INTS1: variants seen among roughly 807,000 people sequenced by gnomAD.
INTS1 encodes integrator complex subunit 1.
A neutral mutation model predicts 241.6 loss-of-function variants in INTS1; 137 were observed. That is an observed-to-expected ratio of 0.57 (90% CI 0.49 to 0.65). INTS1 has a LOEUF of 0.65. Ranked by LOEUF, INTS1 falls within the 30% of genes least tolerant of loss-of-function variation. The pLI is 0.00. For synonymous variants in INTS1, 1,692 were observed against 1,337.8 expected (o/e 1.26, Z -5.78); for missense variants, 3,073 against 3,032.2 (o/e 1.01, Z -0.32).
At chr7:1,471,381 G>A (rs368103635) in intron 45 of INTS1, among the ~76,000 whole-genome samples, 157 bp from the exon 46 acceptor site, 29 of 152,280 alleles carry the variant, frequency 1.9e-4, no homozygotes, top group South Asian at 1.7e-3. Context: ...GTCCCAGCCC[G>A]GGGCTGAAGG....
In INTS1 at chr7:1,497,382, C is replaced by A. The variant is rs989382376; in HGVS notation, c.1426-68G>T. 3 of 1,510,640 alleles carry A rather than the reference C, an allele frequency of 2.0e-6. No homozygotes were observed. The highest frequency in any genetic ancestry group is 1.4e-5 in the African/African-American group (1 of 72,356). 93.6% of individuals were successfully genotyped at this position (1,510,640 alleles called of 1,614,324 possible). On this transcript the variant is annotated intron_variant, in intron 10 of 47. Coordinates refer to ENST00000404767, the MANE Select transcript of INTS1 (RefSeq NM_001080453.3). This position sits in a 1 kb window ranked among gnomAD's most constrained non-coding sequence, Gnocchi z 5.3. Reference sequence around the variant, plus strand: ...TGTCCCTGTCACAGGCCCCTTCCCGCAGCACCAACAGGTATGGCGCCCGAG... The same window carrying A: ...TGTCCCTGTCACAGGCCCCTTCCCGAAGCACCAACAGGTATGGCGCCCGAG...
intron 3 of INTS1, among the ~76,000 whole-genome samples, chr7:1,502,265 C>T (rs914360924): frequency 1.3e-5 from 2 of 152,034 alleles, no homozygotes; most frequent in Non-Finnish European, 2.9e-5. Flanking sequence ...GGGGCTGGTG[C>T]GATAGCTGCC....
chr7:1,489,733 C>T (rs117947549), intron 16 of INTS1, 51 bp from the exon 17 acceptor site: 23,229 of 1,336,090 alleles, frequency 0.017, 256 homozygotes, highest in Middle Eastern at 0.027. Flanking sequence ...AGCTCAGCGC[C>T]AAGGATCGGC....
Position 1,502,920 on chromosome 7 carries a change from T to G in INTS1, c.330A>C (p.Pro110=). The G allele has an allele frequency of 6.2e-7, 1 of 1,613,848 alleles. No homozygotes were observed. Among genetic ancestry groups the G allele is most frequent in the Non-Finnish European group, 8.5e-7 (1 of 1,179,874 alleles). Residue 110 remains proline, a synonymous_variant, in exon 3 of 48, where the codon CCA becomes CCC. Coordinates refer to ENST00000404767, the MANE Select transcript of INTS1 (RefSeq NM_001080453.3). The part of the protein sequence containing the change: ...KRAISPSIKE[P]SVVPIEVLPT... ...CATTACCTTCAATTGGCACCACAGA[T>G]GGCTCTTTAATCGACGGAGAAATGG...
rs112314352 is a variant in INTS1 at position 1,471,570 on chromosome 7, C to T, written c.6255+1G>A. ...CTCTCCCTCAGCCCCATCCAGCTCA[C>T]CGAGAAGAAGCTCAGGATCTCGGGT... On this transcript the variant is annotated splice_donor_variant, in intron 45 of 47. Coordinates refer to ENST00000404767, the MANE Select transcript of INTS1 (RefSeq NM_001080453.3). LOFTEE classifies it high-confidence loss of function. 8.7e-6 allele frequency: 14 copies of T among 1,612,188 alleles called. No homozygotes were observed. Among genetic ancestry groups the T allele is most frequent in the Non-Finnish European group, 1.1e-5 (13 of 1,179,726 alleles).
chr7:1,497,002 GC>G lies in INTS1; in HGVS notation c.1602+135del, dbSNP rs1782895443. On this transcript the variant is annotated intron_variant, in intron 11 of 47. Transcript: ENST00000404767. The surrounding 1 kb of genome is among the most constrained non-coding windows in gnomAD (Gnocchi z 5.3). ...CCTCTGGGACGCGTCACCGCAAACA[GC>G]CTCACTCATCCCCGTACCCACGCTC... is the stretch of plus-strand genomic sequence containing the variant. The G allele has an allele frequency of 4.5e-6, 4 of 884,016 alleles. No individual in the cohort carries two copies. Among genetic ancestry groups the G allele is most frequent in the Non-Finnish European group, 6.7e-6 (4 of 596,594 alleles). The allele number at this position is 884,016 out of a possible 1,614,324, so 54.8% of individuals were successfully genotyped here.
intron 21 of INTS1, 69 bp downstream of exon 21, chr7:1,486,853 C>A: frequency 6.3e-7 from 1 of 1,588,048 alleles, no homozygotes; most frequent in South Asian, 1.1e-5. Context: ...CTGGTGGGCT[C>A]AGGCATGGGT....
chr7:1,502,355 GCA>G (rs769667727), intron 3 of INTS1, among the ~76,000 whole-genome samples: 8 of 152,114 alleles, frequency 5.3e-5, no homozygotes, highest in Non-Finnish European at 8.8e-5. Flanking sequence ...GCGATTCTAG[GCA>G]CACAGTTAAA....
chr7:1,488,849 C>T (rs1562505980), intron 18 of INTS1, among the ~76,000 whole-genome samples: 1 of 152,220 alleles, frequency 6.6e-6, no homozygotes, highest in Non-Finnish European at 1.5e-5. Flanking sequence ...CCTAGGCAGG[C>T]TGTGCCGACT....
rs766544458 is a variant in INTS1 at position 1,470,703 on chromosome 7, A to C, written c.6458-11T>G. 1 of 1,530,260 alleles carries C rather than the reference A, an allele frequency of 6.5e-7. No homozygotes were observed. The highest frequency in any genetic ancestry group is 1.2e-5 in the South Asian group (1 of 82,666). 94.8% of individuals were successfully genotyped at this position (1,530,260 alleles called of 1,614,324 possible). A position where few individuals can be genotyped will look rare whatever the true frequency, so the allele number is the denominator to read the frequency against. On this transcript the variant is annotated splice_polypyrimidine_tract_variant and intron_variant, in intron 47 of 47. Coordinates refer to ENST00000404767, the MANE Select transcript of INTS1 (RefSeq NM_001080453.3). ...GCACAGCCGCGTGCTCTGTGGGGGA[A>C]ACGGGGCCCTGCACGTCACGCTGGC...
Position 1,480,419 on chromosome 7 carries a change from T to C in INTS1, c.3972A>G (p.Pro1324=). 3 of 1,613,458 alleles carry C rather than the reference T, an allele frequency of 1.9e-6. No individual in the cohort carries two copies. The highest frequency in any genetic ancestry group is 1.1e-5 in the South Asian group (1 of 91,050). ...CTATGGGCTGCTCTGGGCTGCTCTT[T>C]GGTTTGGGTGCCTCTGTGCTGTCTG... The part of the protein sequence containing the change: ...PRRDSTEAPK[P]KSSPEQPIGQ... The change falls in exon 30 of 48, where the codon CCA becomes CCG. Residue 1324 remains proline (P), a synonymous_variant. Transcript: ENST00000404767.
rs1485426255 is a variant in INTS1 at position 1,479,602 on chromosome 7, T to C, written c.4157A>G (p.Gln1386Arg). ...GCCCTGGACGACGCGGGCCAGCTCC[T>C]GGCCCAGGGCCTGCTGCAGGGCGAG... is the stretch of plus-strand genomic sequence containing the variant. ...VALALQQALG[Q>R]ELARVVQGSP... The change falls in exon 31 of 48, where the codon CAG (glutamine) becomes CGG (arginine). Residue 1386 changes from glutamine to arginine, a missense_variant. Physicochemically the swap from Gln to Arg is conservative, Grantham distance 43. Coordinates refer to ENST00000404767, the MANE Select transcript of INTS1 (RefSeq NM_001080453.3). 2.2e-5 allele frequency: 34 copies of C among 1,536,048 alleles called. No homozygotes were observed. The highest frequency in any genetic ancestry group is 2.9e-5 in the Non-Finnish European group (33 of 1,139,832).
chr7:1,503,086 G>T lies in INTS1; in HGVS notation c.164C>A (p.Ser55Tyr). 1 of 1,612,162 alleles carries T rather than the reference G, an allele frequency of 6.2e-7. No homozygotes were observed. The highest frequency in any genetic ancestry group is 8.5e-7 in the Non-Finnish European group (1 of 1,178,614). ...LLKPAPSGLP[S>Y]ERKRDAAAAL... ...GGCCGCCGCATCCCGCTTGCGCTCA[G>T]AAGGCAGGCCGGAAGGGGCTGGCTT... is the stretch of plus-strand genomic sequence containing the variant. Residue 55 changes from serine to tyrosine, a missense_variant, in exon 3 of 48, where the codon TCT becomes TAT. Coordinates refer to ENST00000404767, the MANE Select transcript of INTS1 (RefSeq NM_001080453.3).
intron 22 of INTS1, among the ~76,000 whole-genome samples, chr7:1,485,692 G>C (rs920900206): frequency 6.6e-6 from 1 of 152,258 alleles, no homozygotes; most frequent in South Asian, 2.1e-4. Flanking sequence ...CCCGTCACCA[G>C]CAAGAAAGGA....
rs1783104806 is a variant in INTS1, at chr7:1,500,316, T to A, written c.400A>T (p.Asn134Tyr). ...AGCACGCCCTCGATCCTGTCATCGT[T>A]GCCCTCCAGCTCGGCCGCCTCGATC... ...DEIEAAELEG[N>Y]DDRIEGVLCG... Residue 134 changes from asparagine (N) to tyrosine (Y), a missense_variant, in exon 4 of 48, where the codon AAC (asparagine) becomes TAC (tyrosine). Transcript: ENST00000404767. 1 of 1,593,258 alleles carries A rather than the reference T, an allele frequency of 6.3e-7. No individual in the cohort carries two copies. Among genetic ancestry groups the A allele is most frequent in the South Asian group, 1.1e-5 (1 of 88,710 alleles).
chr7:1,499,934 G>A lies in INTS1; in HGVS notation c.634C>T (p.Leu212Phe). ...SLVSVLACNL[L>F]MAAYEEDENW... The stretch of plus-strand genomic sequence containing the variant: ...TCGTCCTCCTCGTAGGCGGCCATGA[G>A]GAGGTTACAGGCCAGCACAGACACC... The change falls in exon 5 of 48, where the codon CTC becomes TTC. Residue 212 changes from leucine (L) to phenylalanine (F), a missense_variant. Coordinates refer to ENST00000404767, the MANE Select transcript of INTS1 (RefSeq NM_001080453.3). The A allele has an allele frequency of 6.2e-7, 1 of 1,613,746 alleles. No individual in the cohort carries two copies. Among genetic ancestry groups the A allele is most frequent in the Non-Finnish European group, 8.5e-7 (1 of 1,179,848 alleles).
chr7:1,486,696 A>C lies in INTS1; in HGVS notation c.2905T>G (p.Cys969Gly). 6.2e-7 allele frequency: 1 copy of C among 1,612,660 alleles called. No individual in the cohort carries two copies. The highest frequency in any genetic ancestry group is 8.5e-7 in the Non-Finnish European group (1 of 1,179,794). ...CGCAAGAAGTAGTCCAGCACCTCAC[A>C]CGTGGTCTGCTCATCAGCCTTCGGG... ...LGPKADEQTT[C>G]EVLDYFLRRL... The change falls in exon 22 of 48, where the codon TGT becomes GGT. Residue 969 changes from cysteine (C) to glycine (G), a missense_variant. Coordinates refer to ENST00000404767, the MANE Select transcript of INTS1 (RefSeq NM_001080453.3).
At chr7:1,501,426 G>C (rs1198771806) in intron 3 of INTS1, 1 of 152,148 alleles carries the variant, frequency 6.6e-6, no homozygotes, top group Non-Finnish European at 1.5e-5. Flanking sequence ...AGACAAGCTG[G>C]GGGACAAGTG....
chr7:1,497,327 G>A lies in INTS1; in HGVS notation c.1426-13C>T. Reference sequence around the variant, plus strand: ...CCATGGCCAGGAACTGGGGCAGAGAGAGGCCGCGTGGGAGGCTGCCCGACA... The same window carrying A: ...CCATGGCCAGGAACTGGGGCAGAGAAAGGCCGCGTGGGAGGCTGCCCGACA... On this transcript the variant is annotated splice_polypyrimidine_tract_variant and intron_variant, in intron 10 of 47. Transcript: ENST00000404767. The surrounding 1 kb of genome is among the most constrained non-coding windows in gnomAD (Gnocchi z 5.3). 6.2e-7 allele frequency: 1 copy of A among 1,608,296 alleles called. No homozygotes were observed. The highest frequency in any genetic ancestry group is 8.5e-7 in the Non-Finnish European group (1 of 1,177,120).
Sources: allele counts gnomAD v4.1 joint callset (sites outside exome capture counted in the v4.1 genomes callset), GRCh38; gene constraint gnomAD v4.1.1; non-coding constraint Gnocchi (gnomAD v3.1); transcripts MANE v1.5; gene names NCBI Gene and HGNC (gene_info 2026-07-23, HGNC 2026-07-21).